Variants in MALRD1 observed in about 807,000 individuals in gnomAD.
MALRD1 encodes MAM and LDL receptor class A domain containing 1.
A neutral mutation model predicts 242.1 loss-of-function variants in MALRD1; 247 were observed. That is an observed-to-expected ratio of 1.02 (90% CI 0.92 to 1.13). MALRD1 has a LOEUF of 1.13. Ranked by LOEUF, MALRD1 falls within the 50% of genes most tolerant of loss-of-function variation. MALRD1 has a pLI of 0.00. For synonymous variants in MALRD1, 995 were observed against 866.6 expected (o/e 1.15, Z -2.60); for missense variants, 2,989 against 2,533.1 (o/e 1.18, Z -3.86).
At chr10:19,695,990 T>A (rs1195128194) in intron 38 of MALRD1, among the ~76,000 whole-genome samples, 3 of 152,148 alleles carry the variant, frequency 2.0e-5, no homozygotes, top group African/African-American at 7.2e-5. Context: ...CAATGACACA[T>A]GAGAATTATT....
intron 34 of MALRD1, among the ~76,000 whole-genome samples, chr10:19,605,899 C>T (rs1409735): frequency 6.6e-6 from 1 of 152,002 alleles, no homozygotes; most frequent in Non-Finnish European, 1.5e-5. Flanking sequence ...ATTCTCAGTT[C>T]TAAGACACTG....
chr10:19,197,443 A>C (rs1836315768), intron 14 of MALRD1, among the ~76,000 whole-genome samples: 1 of 152,168 alleles, frequency 6.6e-6, no homozygotes, highest in Non-Finnish European at 1.5e-5. Flanking sequence ...ATTCAAAATC[A>C]TAGCCAAAAA....
chr10:19,052,825 T>C (rs1033635704), intron 1 of MALRD1, among the ~76,000 whole-genome samples: 1 of 152,180 alleles, frequency 6.6e-6, no homozygotes, highest in African/African-American at 2.4e-5. Context: ...CCTCTGAGAT[T>C]GGCCTTTGGT....
chr10:19,197,657 A>G (rs577912078), intron 14 of MALRD1, among the ~76,000 whole-genome samples: 1 of 152,196 alleles, frequency 6.6e-6, no homozygotes, highest in South Asian at 2.1e-4. Context: ...TCAGCCATTT[A>G]CCCAGTTGCC....
At chr10:19,088,572 TATTTATTTATTTATTTA>T (rs1835764953) in intron 4 of MALRD1, among the ~76,000 whole-genome samples, 24 of 108,008 alleles carry the variant, frequency 2.2e-4, no homozygotes, top group Admixed American at 3.9e-4. Flanking sequence ...AGTTTTTTTT[TATTTATTTATTTATTTA>T]TTTTTTTTTA....
chr10:19,178,399 A>G (rs887359676), intron 14 of MALRD1, among the ~76,000 whole-genome samples: 5 of 152,178 alleles, frequency 3.3e-5, no homozygotes, highest in Non-Finnish European at 5.9e-5. Flanking sequence ...AATATTTAAA[A>G]ACGTGCCATG....
intron 34 of MALRD1, among the ~76,000 whole-genome samples, chr10:19,603,478 A>G (rs543803567): frequency 6.6e-6 from 1 of 152,172 alleles, no homozygotes; most frequent in Non-Finnish European, 1.5e-5. Flanking sequence ...TGTTTTTGTC[A>G]GGTTTGTCAA....
chr10:19,361,997 G>T (rs1047897925), intron 26 of MALRD1, among the ~76,000 whole-genome samples: 39 of 151,986 alleles, frequency 2.6e-4, no homozygotes, highest in African/African-American at 7.0e-4. Context: ...TTCCAGGCTT[G>T]GTTTTAATCT....
chr10:19,237,392 T>C (rs1040973108), intron 18 of MALRD1, among the ~76,000 whole-genome samples: 5 of 150,070 alleles, frequency 3.3e-5, no homozygotes, highest in African/African-American at 1.2e-4. Flanking sequence ...ATGCGGTATT[T>C]GCTTTCTGTG....
intron 26 of MALRD1, among the ~76,000 whole-genome samples, chr10:19,361,069 A>G (rs953603976): frequency 6.6e-6 from 1 of 152,046 alleles, no homozygotes; most frequent in Non-Finnish European, 1.5e-5. Flanking sequence ...TTGCTCCTCA[A>G]CAGCCATTCT....
chr10:19,063,150 C>CA (rs1834872172), intron 1 of MALRD1, among the ~76,000 whole-genome samples: 2 of 150,864 alleles, frequency 1.3e-5, no homozygotes, highest in African/African-American at 2.4e-5. Flanking sequence ...TGTCCCCCCC[C>CA]CAAAAAAAAA....
intron 30 of MALRD1, among the ~76,000 whole-genome samples, chr10:19,492,578 G>A (rs1420468901): frequency 6.6e-6 from 1 of 152,108 alleles, no homozygotes; most frequent in Non-Finnish European, 1.5e-5. Context: ...CATGTGGCTT[G>A]GGCTTTACAT....
chr10:19,445,373 T>A (rs915348782), intron 28 of MALRD1, among the ~76,000 whole-genome samples: 1 of 152,220 alleles, frequency 6.6e-6, no homozygotes, highest in South Asian at 2.1e-4. Flanking sequence ...TGCGTTCCTT[T>A]GGAGGAGAAG....
At chr10:19,425,939 C>G (rs1344227577) in intron 28 of MALRD1, among the ~76,000 whole-genome samples, 1 of 152,112 alleles carries the variant, frequency 6.6e-6, no homozygotes, top group Non-Finnish European at 1.5e-5. Flanking sequence ...CAAATTAAAG[C>G]ATACATGTAT....
At chr10:19,602,885 A>T (rs1589294007) in intron 34 of MALRD1, among the ~76,000 whole-genome samples, 1 of 152,178 alleles carries the variant, frequency 6.6e-6, no homozygotes, top group East Asian at 1.9e-4. Flanking sequence ...AATGATCGCC[A>T]TTCTAACTGG....
At chr10:19,272,145 T>C (rs1414793739) in intron 19 of MALRD1, among the ~76,000 whole-genome samples, 1 of 152,104 alleles carries the variant, frequency 6.6e-6, no homozygotes, top group African/African-American at 2.4e-5. Context: ...AAGACTTAAA[T>C]GTGCAAACCA....
chr10:19,365,659 TA>T (rs199989681), intron 26 of MALRD1, among the ~76,000 whole-genome samples: 9,817 of 117,102 alleles, frequency 0.084, 330 homozygotes, highest in Non-Finnish European at 0.11. Flanking sequence ...TTATAAATTC[TA>T]AAAAAAAAAA....
chr10:19,118,139 G>T (rs1314794020), intron 5 of MALRD1, among the ~76,000 whole-genome samples: 4 of 152,142 alleles, frequency 2.6e-5, no homozygotes, highest in Non-Finnish European at 4.4e-5. Context: ...AGTCAGTATG[G>T]TCACATTAAA....
At chr10:19,452,679 G>C (rs574948220) in intron 29 of MALRD1, among the ~76,000 whole-genome samples, 1 of 152,306 alleles carries the variant, frequency 6.6e-6, no homozygotes, top group South Asian at 2.1e-4. Context: ...TTAGTGTTTA[G>C]CTTTATGCAG....
Sources: gnomAD v4.1 joint callset for allele counts (sites outside exome capture counted in the v4.1 genomes callset) on GRCh38, gnomAD v4.1.1 for gene constraint, MANE v1.5 for transcripts, NCBI Gene and HGNC (gene_info 2026-07-23, HGNC 2026-07-21) for gene names.